NAALAD2: variants seen among roughly 807,000 people sequenced by gnomAD.
NAALAD2 encodes N-acetylated alpha-linked acidic dipeptidase 2, also known as N-acetylated-alpha-linked acidic dipeptidase 2.
NAALAD2 carries 89 observed loss-of-function variants against 95.6 expected under a neutral mutation model. The observed-to-expected ratio is 0.93, with a 90% confidence interval of 0.78 to 1.11. The LOEUF is 1.11. Among genes scored for constraint, NAALAD2 ranks in the 50% least tolerant of loss-of-function variants. NAALAD2 has a pLI of 0.00. For synonymous variants in NAALAD2, 264 were observed against 294.4 expected, an observed-to-expected ratio of 0.90 and a Z score of 1.06; for missense variants, 894 against 872.4, an observed-to-expected ratio of 1.02 and a Z score of -0.31.
chr11:90,147,976 T>A (rs956889536), intron 3 of NAALAD2, among the ~76,000 whole-genome samples: 10 of 152,170 alleles, frequency 6.6e-5, no homozygotes, highest in African/African-American at 2.4e-4. Flanking sequence ...AATGTAATGA[T>A]TTTCTGTATT....
chr11:90,175,926 TTATGTG>T, intron 14 of NAALAD2, 40 bp from the exon 15 acceptor site: 6 of 621,372 alleles, frequency 9.7e-6, no homozygotes, highest in Non-Finnish European at 1.4e-5. Context: ...ATTTACTTGT[TTATGTG>T]TGTGTGTGTG....
intron 2 of NAALAD2, among the ~76,000 whole-genome samples, chr11:90,140,393 AAC>A (rs931608932): frequency 2.0e-5 from 3 of 152,108 alleles, no homozygotes; most frequent in African/African-American, 7.2e-5. Context: ...GTTATTTTAA[AAC>A]AGTAAATGAT....
At chr11:90,168,506 CTAAAA>C (rs963065577) in intron 11 of NAALAD2, among the ~76,000 whole-genome samples, 19 of 152,004 alleles carry the variant, frequency 1.2e-4, no homozygotes, top group Admixed American at 1.0e-3. Context: ...GTCTCTGTCT[CTAAAA>C]TAAAATAAAA....
chr11:90,186,964 TCAAA>T (rs1203222401), intron 18 of NAALAD2, among the ~76,000 whole-genome samples: 1 of 145,696 alleles, frequency 6.9e-6, no homozygotes, highest in Non-Finnish European at 1.5e-5. Flanking sequence ...TACAATGAAC[TCAAA>T]CAAATTTACA....
rs953350931 is a variant in NAALAD2, at chr11:90,135,655, T to C, written c.179T>C (p.Ile60Thr). The C allele has an allele frequency of 6.2e-7, 1 of 1,611,474 alleles. No homozygotes were observed. The highest frequency in any genetic ancestry group is 8.5e-7 in the Non-Finnish European group (1 of 1,178,396). ...KLVSEMKAEN[I>T]KSFLRSFTKL... ...GTATCCGAAATGAAAGCTGAAAACA[T>C]CAAATCATTTCTTCGGTAAGTTTAT... Residue 60 changes from isoleucine (I) to threonine (T), a missense_variant, in exon 2 of 19, where the codon ATC becomes ACC. By Grantham distance (89) the Ile-to-Thr change is moderately conservative. Coordinates refer to ENST00000534061, the MANE Select transcript of NAALAD2 (RefSeq NM_005467.4).
At chr11:90,153,459 C>CT (rs1951944623) in intron 6 of NAALAD2, among the ~76,000 whole-genome samples, 1 of 152,058 alleles carries the variant, frequency 6.6e-6, no homozygotes, top group Non-Finnish European at 1.5e-5. Context: ...GTATGTCAGT[C>CT]TTTTCAATTC....
intron 2 of NAALAD2, among the ~76,000 whole-genome samples, chr11:90,137,321 A>T (rs1280524795): frequency 6.6e-6 from 1 of 152,168 alleles, no homozygotes; most frequent in Non-Finnish European, 1.5e-5. Flanking sequence ...AACTATAGTT[A>T]ACAATAATTT....
intron 2 of NAALAD2, 25 bp from the exon 3 acceptor site, chr11:90,147,305 C>T (rs11018878): frequency 3.9e-4 from 618 of 1,582,908 alleles, no homozygotes; most frequent in Non-Finnish European, 5.1e-4. Flanking sequence ...CTTTAATGCC[C>T]TCTTATGTTT....
At chr11:90,164,355 G>A (rs1189228665) in intron 11 of NAALAD2, 2 of 152,126 alleles carry the variant, frequency 1.3e-5, no homozygotes, top group Admixed American at 1.3e-4. Flanking sequence ...TAGAAGGTAA[G>A]CACATTCATT....
At chr11:90,182,859 T>C in intron 17 of NAALAD2, 57 bp from the exon 18 acceptor site, 4 of 1,161,070 alleles carry the variant, frequency 3.4e-6, no homozygotes, top group Non-Finnish European at 5.1e-6. Context: ...TTTAATATTA[T>C]TTTTGAAGCA....
chr11:90,172,465 A>G (rs1426447239), intron 13 of NAALAD2, among the ~76,000 whole-genome samples: 5 of 152,166 alleles, frequency 3.3e-5, no homozygotes, highest in African/African-American at 4.8e-5. Context: ...GTGCCTCTAA[A>G]TAAGTGGGGT....
At chr11:90,142,166 T>C (rs1486606523) in intron 2 of NAALAD2, among the ~76,000 whole-genome samples, 2 of 152,134 alleles carry the variant, frequency 1.3e-5, no homozygotes, top group Non-Finnish European at 2.9e-5. Flanking sequence ...TATGATCATA[T>C]GATTTTTCTT....
At chr11:90,151,341 C>T (rs1943353) in intron 5 of NAALAD2, among the ~76,000 whole-genome samples, 68,658 of 151,866 alleles carry the variant, frequency 0.45, 16,564 homozygotes, top group African/African-American at 0.62. Context: ...TTATTAATTA[C>T]CTCAGTATTT....
chr11:90,149,576 A>G (rs1177052013), intron 4 of NAALAD2, among the ~76,000 whole-genome samples: 1 of 152,094 alleles, frequency 6.6e-6, no homozygotes, highest in East Asian at 1.9e-4. Context: ...CTGGGACCAC[A>G]GGTGCATGCC....
In NAALAD2 at chr11:90,163,412, G is replaced by C; in HGVS notation, c.1178G>C (p.Gly393Ala). The C allele has an allele frequency of 1.9e-6, 3 of 1,614,044 alleles. No homozygotes were observed. The highest frequency in any genetic ancestry group is 8.5e-7 in the Non-Finnish European group (1 of 1,179,930). The change falls in exon 10 of 19, where the codon GGA (glycine) becomes GCA (alanine). Residue 393 changes from glycine (G) to alanine (A), a missense_variant. Transcript: ENST00000534061. ...TTGCAAGAAATTGCCCGGAGTTTTGGAAAACTGATGAGTAAAGGTAAACAA... is the reference window on the plus strand; with the variant it reads ...TTGCAAGAAATTGCCCGGAGTTTTGCAAAACTGATGAGTAAAGGTAAACAA... ...AVLQEIARSF[G>A]KLMSKGWRPR...
At chr11:90,167,116 G>A (rs964760794) in intron 11 of NAALAD2, among the ~76,000 whole-genome samples, 1 of 152,238 alleles carries the variant, frequency 6.6e-6, no homozygotes, top group Non-Finnish European at 1.5e-5. Flanking sequence ...TCAGCCCGCC[G>A]CTGCACTGTG....
chr11:90,138,049 T>G (rs760312218), intron 2 of NAALAD2, among the ~76,000 whole-genome samples: 5 of 151,966 alleles, frequency 3.3e-5, no homozygotes, highest in Admixed American at 6.6e-5. Context: ...AACTTTTAAT[T>G]CCCCCAAAAC....
At chr11:90,145,656 CT>C (rs1206584659) in intron 2 of NAALAD2, among the ~76,000 whole-genome samples, 1 of 151,990 alleles carries the variant, frequency 6.6e-6, no homozygotes, top group East Asian at 1.9e-4. Flanking sequence ...GAAGATGATG[CT>C]TGAAGAGTCC....
chr11:90,140,475 A>G (rs1440241014), intron 2 of NAALAD2, among the ~76,000 whole-genome samples: 1 of 151,162 alleles, frequency 6.6e-6, no homozygotes, highest in African/African-American at 2.4e-5. Flanking sequence ...TTTCTAGGCT[A>G]TGTGGTTCAT....
Sources: gnomAD v4.1 joint callset for allele counts (sites outside exome capture counted in the v4.1 genomes callset) on GRCh38, gnomAD v4.1.1 for gene constraint, MANE v1.5 for transcripts, NCBI Gene and HGNC (gene_info 2026-07-23, HGNC 2026-07-21) for gene names.